Variants in KIAA1217 observed in about 807,000 individuals in gnomAD.
The protein encoded by KIAA1217 is KIAA1217, also known as sickle tail protein homolog.
KIAA1217 carries 88 observed loss-of-function variants against 163.9 expected under a neutral mutation model. That is an observed-to-expected ratio of 0.54 (90% CI 0.45 to 0.64). KIAA1217 has a LOEUF of 0.64. KIAA1217 is among the 30% of genes least tolerant of loss of function. KIAA1217 has a pLI of 0.00. For missense variants in KIAA1217, 2,372 were observed against 2,475.0 expected, an observed-to-expected ratio of 0.96 and a Z score of 0.88; for synonymous variants, 903 against 923.1, an observed-to-expected ratio of 0.98 and a Z score of 0.39.
At chr10:24,497,153 T>C (rs561326120) in intron 8 of KIAA1217, among the ~76,000 whole-genome samples, 1 of 152,282 alleles carries the variant, frequency 6.6e-6, no homozygotes, top group East Asian at 1.9e-4. Flanking sequence ...ACAAGACAAG[T>C]ATTATCCCTG....
chr10:23,838,363 A>AAAAATGAGTTT (rs1838595121), intron 1 of KIAA1217, among the ~76,000 whole-genome samples: 1 of 152,258 alleles, frequency 6.6e-6, no homozygotes, highest in African/African-American at 2.4e-5. Flanking sequence ...CAAAGTAGAG[A>AAAAATGAGTTT]AAAATGAGTT....
At chr10:24,462,981 A>G (rs933701700) in intron 5 of KIAA1217, among the ~76,000 whole-genome samples, 3 of 152,182 alleles carry the variant, frequency 2.0e-5, no homozygotes, top group African/African-American at 7.2e-5. Context: ...CGTCCAGGAA[A>G]TGGGTGGATG....
chr10:24,149,585 TAAAC>T (rs955899503), intron 2 of KIAA1217, among the ~76,000 whole-genome samples: 24 of 151,586 alleles, frequency 1.6e-4, no homozygotes, highest in African/African-American at 2.4e-4. Context: ...GAAAAAAAAA[TAAAC>T]AAATTTTTAT....
intron 3 of KIAA1217, among the ~76,000 whole-genome samples, chr10:24,424,524 C>T (rs1489593300): frequency 6.6e-6 from 1 of 152,178 alleles, no homozygotes; most frequent in Non-Finnish European, 1.5e-5. Flanking sequence ...ATTAATGAAG[C>T]CATTTCTACC....
chr10:23,787,354 G>A (rs1835540452), intron 1 of KIAA1217, among the ~76,000 whole-genome samples: 2 of 152,176 alleles, frequency 1.3e-5, no homozygotes, highest in South Asian at 4.1e-4. Context: ...GCTAGGTATT[G>A]GGTATATAAC....
At chr10:24,391,874 C>T (rs943022423) in intron 3 of KIAA1217, among the ~76,000 whole-genome samples, 2 of 152,186 alleles carry the variant, frequency 1.3e-5, no homozygotes, top group African/African-American at 4.8e-5. Flanking sequence ...ATTGATACCC[C>T]ATCCTAACCC....
intron 2 of KIAA1217, among the ~76,000 whole-genome samples, chr10:24,022,009 C>A (rs546747528): frequency 1.3e-5 from 2 of 151,682 alleles, no homozygotes; most frequent in East Asian, 3.9e-4. Flanking sequence ...AGGAGAAAAT[C>A]TTTTAATCAT....
intron 2 of KIAA1217, among the ~76,000 whole-genome samples, chr10:24,038,243 G>A (rs1848479970): frequency 6.6e-6 from 1 of 152,158 alleles, no homozygotes; most frequent in South Asian, 2.1e-4. Flanking sequence ...AAGCATTTCA[G>A]GAAACCTCCA....
chr10:24,442,828 A>G (rs1222221364), intron 5 of KIAA1217, among the ~76,000 whole-genome samples: 1 of 152,086 alleles, frequency 6.6e-6, no homozygotes, highest in African/African-American at 2.4e-5. Flanking sequence ...AAGGCCTCTA[A>G]CAGATGACCC....
intron 3 of KIAA1217, among the ~76,000 whole-genome samples, chr10:24,423,703 C>T (rs1051764179): frequency 1.3e-5 from 2 of 152,042 alleles, no homozygotes; most frequent in Non-Finnish European, 2.9e-5. Flanking sequence ...AGTGATCTGC[C>T]CACCTCAGTT....
intron 5 of KIAA1217, among the ~76,000 whole-genome samples, chr10:24,441,137 C>T (rs758976566): frequency 6.6e-6 from 1 of 152,162 alleles, no homozygotes; most frequent in African/African-American, 2.4e-5. Flanking sequence ...TAGGGAACTC[C>T]GTCCTCCCTT....
chr10:23,934,974 T>C (rs988861754), intron 1 of KIAA1217, among the ~76,000 whole-genome samples: 9 of 151,980 alleles, frequency 5.9e-5, no homozygotes, highest in Non-Finnish European at 1.0e-4. Context: ...TGCAAATAAA[T>C]TCATCTAGCC....
At chr10:24,274,498 G>T (rs1433126210) in intron 2 of KIAA1217, among the ~76,000 whole-genome samples, 4 of 152,062 alleles carry the variant, frequency 2.6e-5, no homozygotes, top group Non-Finnish European at 5.9e-5. Flanking sequence ...AATATACTTT[G>T]TTGTCTTCCT....
chr10:24,275,588 T>C (rs768494913), intron 2 of KIAA1217: 23 of 453,146 alleles, frequency 5.1e-5, no homozygotes, highest in Non-Finnish European at 9.8e-5. Context: ...TATTTACAAA[T>C]ACAGAATCTG....
At chr10:24,057,091 A>T (rs982068937) in intron 2 of KIAA1217, among the ~76,000 whole-genome samples, 1 of 151,864 alleles carries the variant, frequency 6.6e-6, no homozygotes, top group African/African-American at 2.4e-5. Flanking sequence ...AAAAAAAAAA[A>T]TTTAAATTAG....
chr10:23,933,560 A>G (rs1843344280), intron 1 of KIAA1217, among the ~76,000 whole-genome samples: 1 of 152,224 alleles, frequency 6.6e-6, no homozygotes, highest in Non-Finnish European at 1.5e-5. Flanking sequence ...TAATTAAACT[A>G]AGAGCTCTGC....
At chr10:24,160,753 A>T (rs1296900430) in intron 2 of KIAA1217, among the ~76,000 whole-genome samples, 2 of 152,194 alleles carry the variant, frequency 1.3e-5, no homozygotes, top group Admixed American at 1.3e-4. Flanking sequence ...CAGCTGAATA[A>T]ATTGAGTATA....
At chr10:24,360,626 C>T (rs2049846763) in intron 2 of KIAA1217, among the ~76,000 whole-genome samples, 1 of 152,164 alleles carries the variant, frequency 6.6e-6, no homozygotes, top group Non-Finnish European at 1.5e-5. Flanking sequence ...TGACCTGTGT[C>T]TTGTTTCCTC....
intron 2 of KIAA1217, among the ~76,000 whole-genome samples, chr10:24,264,078 C>A (rs563483124): frequency 6.6e-6 from 1 of 152,008 alleles, no homozygotes; most frequent in Non-Finnish European, 1.5e-5. Context: ...AGGCTGGTAT[C>A]GAATTCCTGT....
Sources: gnomAD v4.1 joint callset for allele counts (sites outside exome capture counted in the v4.1 genomes callset) on GRCh38, gnomAD v4.1.1 for gene constraint, MANE v1.5 for transcripts, NCBI Gene and HGNC (gene_info 2026-07-23, HGNC 2026-07-21) for gene names.